RAD54L2: variants seen among roughly 807,000 people sequenced by gnomAD.
The protein encoded by RAD54L2 is RAD54 like 2, also known as helicase ARIP4.
Under a neutral mutation model 138.4 loss-of-function variants are expected in RAD54L2, and 27 were observed. The ratio of observed to expected loss-of-function variants is 0.20; its 90% CI spans 0.14 to 0.27. The LOEUF is 0.27. Among genes scored for constraint, RAD54L2 ranks in the 10% least tolerant of loss-of-function variants. The pLI is 1.00. For missense variants in RAD54L2, 1,396 were observed against 1,890.2 expected, an observed-to-expected ratio of 0.74 and a Z score of 4.85; for synonymous variants, 644 against 723.2, an observed-to-expected ratio of 0.89 and a Z score of 1.76.
At chr3:51,610,977 T>C (rs914910936) in intron 3 of RAD54L2, among the ~76,000 whole-genome samples, 1 of 152,234 alleles carries the variant, frequency 6.6e-6, no homozygotes. Flanking sequence ...AAGAATAATA[T>C]GCTTAAGGCT....
intron 3 of RAD54L2, among the ~76,000 whole-genome samples, chr3:51,598,407 C>T (rs549376668): frequency 2.1e-4 from 32 of 152,088 alleles, no homozygotes; most frequent in Non-Finnish European, 3.7e-4. Context: ...CCCACTCATA[C>T]GCTGGGGGAA....
intron 14 of RAD54L2, among the ~76,000 whole-genome samples, chr3:51,641,226 G>A (rs534346875): frequency 2.0e-5 from 3 of 152,198 alleles, no homozygotes; most frequent in Admixed American, 6.5e-5. Flanking sequence ...GATTGGTCTC[G>A]AACTCCTGAC....
At position 51,663,650 on chromosome 3, in the gene RAD54L2, G is replaced by C; in HGVS notation, c.*230G>C. The C allele has an allele frequency of 1.9e-6, 1 of 514,940 alleles. No homozygotes were observed. 31.9% of individuals were successfully genotyped at this position (514,940 alleles called of 1,614,324 possible). Reference sequence around the variant, plus strand: ...CACAGCAGCAATAGCGGGAAATCAGGGACCCAAAACAGGGATGGAGGGGCA... The same window carrying C: ...CACAGCAGCAATAGCGGGAAATCAGCGACCCAAAACAGGGATGGAGGGGCA... On this transcript the variant is annotated 3_prime_UTR_variant, in exon 23 of 23. Coordinates refer to ENST00000684192, the MANE Select transcript of RAD54L2 (RefSeq NM_015106.4).
At chr3:51,596,033 G>A (rs376041897) in intron 3 of RAD54L2, among the ~76,000 whole-genome samples, 1 of 146,418 alleles carries the variant, frequency 6.8e-6, no homozygotes, top group African/African-American at 2.5e-5. Context: ...GGGTCAGGTG[G>A]TCCTCCCACC....
chr3:51,549,270 A>C (rs1172758729), intron 2 of RAD54L2, among the ~76,000 whole-genome samples: 1 of 151,972 alleles, frequency 6.6e-6, no homozygotes, highest in East Asian at 1.9e-4. Flanking sequence ...CTGGGATTAC[A>C]GGCGTGAACC....
At chr3:51,650,162 A>G (rs959706906) in intron 19 of RAD54L2, among the ~76,000 whole-genome samples, 4 of 152,224 alleles carry the variant, frequency 2.6e-5, no homozygotes, top group African/African-American at 9.6e-5. Flanking sequence ...TAGACTTCAA[A>G]CCATCAAAGA....
intron 19 of RAD54L2, among the ~76,000 whole-genome samples, chr3:51,655,287 C>T (rs958398266): frequency 3.3e-5 from 5 of 151,938 alleles, no homozygotes; most frequent in Admixed American, 1.3e-4. Context: ...TTTCAAAAAT[C>T]TTAAATCAGT....
At chr3:51,614,323 A>G (rs1160764553) in intron 3 of RAD54L2, among the ~76,000 whole-genome samples, 1 of 151,972 alleles carries the variant, frequency 6.6e-6, no homozygotes, top group Admixed American at 6.6e-5. Context: ...CACCATGCCC[A>G]GCTAATTTTT....
chr3:51,548,566 C>A (rs1291998981), intron 2 of RAD54L2, among the ~76,000 whole-genome samples: 1 of 152,146 alleles, frequency 6.6e-6, no homozygotes, highest in African/African-American at 2.4e-5. Context: ...GATGAGGAAG[C>A]AAACCCGAAA....
chr3:51,541,328 A>G (rs1698542969), intron 1 of RAD54L2: 1 of 152,194 alleles, frequency 6.6e-6, no homozygotes, highest in Non-Finnish European at 1.5e-5. Context: ...TAACATCTCC[A>G]TGGAAAAAGT....
intron 2 of RAD54L2, among the ~76,000 whole-genome samples, chr3:51,581,251 C>T (rs1457148047): frequency 6.6e-6 from 1 of 152,124 alleles, no homozygotes; most frequent in Non-Finnish European, 1.5e-5. Flanking sequence ...GCACGCACCA[C>T]CACAACCGGC....
chr3:51,638,119 G>T lies in RAD54L2; in HGVS notation c.1683-25G>T. On this transcript the variant is annotated intron_variant, in intron 11 of 22. Coordinates refer to ENST00000684192, the MANE Select transcript of RAD54L2 (RefSeq NM_015106.4). The surrounding 1 kb of genome is among the most constrained non-coding windows in gnomAD (Gnocchi z 4.3). Reference sequence around the variant, plus strand: ...CCCCTCCTGGCCACACTACCTTGCCGTTTCTGTTCTGTTTGCCTCCATAGG... The same window carrying T: ...CCCCTCCTGGCCACACTACCTTGCCTTTTCTGTTCTGTTTGCCTCCATAGG... 1 of 1,611,264 alleles carries T rather than the reference G, an allele frequency of 6.2e-7. No individual in the cohort carries two copies. The highest frequency in any genetic ancestry group is 1.1e-5 in the South Asian group (1 of 90,830).
At position 51,596,680 on chromosome 3, in the gene RAD54L2, A is replaced by G. The variant is rs116411558; in HGVS notation, c.139+6121A>G. Among the ~76,000 whole-genome samples, 589 of 152,256 alleles carry G rather than the reference A, an allele frequency of 3.9e-3. 6 individuals are homozygous for G. The highest frequency in any genetic ancestry group is 0.013 in the African/African-American group (555 of 41,550). On this transcript the variant is annotated intron_variant, in intron 3 of 22. Coordinates refer to ENST00000684192, the MANE Select transcript of RAD54L2 (RefSeq NM_015106.4). Reference sequence around the variant, plus strand: ...CCCTTTTTCGTATGTGAATATTTGCAAGGAAAAACCGGATGTCCCAGTTCT... The same window carrying G: ...CCCTTTTTCGTATGTGAATATTTGCGAGGAAAAACCGGATGTCCCAGTTCT...
intron 5 of RAD54L2, 34 bp downstream of exon 5, chr3:51,629,507 C>A: frequency 1.2e-6 from 2 of 1,606,196 alleles, no homozygotes; most frequent in Non-Finnish European, 1.7e-6. Context: ...AGGCCCTTTG[C>A]TTCAGGAGGA....
intron 2 of RAD54L2, among the ~76,000 whole-genome samples, chr3:51,558,531 G>A (rs999644100): frequency 3.3e-5 from 5 of 151,366 alleles, no homozygotes; most frequent in Non-Finnish European, 5.9e-5. Flanking sequence ...GTGCAGTGGC[G>A]TGATTATGGT....
chr3:51,647,678 AT>A (rs950074609), intron 19 of RAD54L2, among the ~76,000 whole-genome samples: 4 of 151,272 alleles, frequency 2.6e-5, no homozygotes, highest in Non-Finnish European at 5.9e-5. Context: ...TCAAAAAAAA[AT>A]TTTTTTTTCT....
chr3:51,631,046 CA>C, intron 7 of RAD54L2, 115 bp downstream of exon 7: 1 of 1,013,812 alleles, frequency 9.9e-7, no homozygotes, highest in Non-Finnish European at 1.4e-6. Context: ...GTACCAAGAG[CA>C]GCTTGTTCAG....
At chr3:51,594,066 CTTTTTTTTTTTTTTT>C (rs904101025) in intron 3 of RAD54L2, among the ~76,000 whole-genome samples, 4 of 105,138 alleles carry the variant, frequency 3.8e-5, no homozygotes, top group African/African-American at 1.1e-4. Flanking sequence ...TTTTCTTTTT[CTTTTTTTTTTTTTTT>C]TTTTTTTGAG....
chr3:51,620,407 C>CTTTTTTTT (rs60585256), intron 3 of RAD54L2, among the ~76,000 whole-genome samples: 4 of 82,554 alleles, frequency 4.8e-5, no homozygotes, highest in Admixed American at 1.4e-4. Context: ...TCCTACTGGT[C>CTTTTTTTT]TTTTTTTTTT....
Sources: gnomAD v4.1 joint callset for allele counts (sites outside exome capture counted in the v4.1 genomes callset) on GRCh38, gnomAD v4.1.1 for gene constraint, Gnocchi (gnomAD v3.1) non-coding constraint, MANE v1.5 for transcripts, NCBI Gene and HGNC (gene_info 2026-07-23, HGNC 2026-07-21) for gene names.